The following AK8 variants were observed in gnomAD, a reference collection of about 807,000 sequenced individuals.
The protein encoded by AK8 is ATP-AMP transphosphorylase 8.
In AK8, 44 loss-of-function variants were observed where a neutral mutation model predicts 54.6. The ratio of observed to expected loss-of-function variants is 0.81; its 90% confidence interval spans 0.63 to 1.04. The LOEUF (loss-of-function observed/expected upper bound fraction) is 1.04. Among genes scored for constraint, AK8 ranks in the 50% least tolerant of loss-of-function variants. AK8 has a pLI of 0.00. For missense variants in AK8, 555 were observed against 613.6 expected, an observed-to-expected ratio of 0.90 and a Z score of 1.01; for synonymous variants, 239 against 245.6, an observed-to-expected ratio of 0.97 and a Z score of 0.25.
At chr9:132,862,683 A>AT (rs1486329552) in intron 4 of AK8, among the ~76,000 whole-genome samples, 3 of 152,156 alleles carry the variant, frequency 2.0e-5, no homozygotes, top group Non-Finnish European at 4.4e-5. Flanking sequence ...AGGAGTCTTC[A>AT]TAGCCACATC....
chr9:132,785,198 G>A (rs184459398), intron 11 of AK8, among the ~76,000 whole-genome samples: 1 of 151,528 alleles, frequency 6.6e-6, no homozygotes, highest in African/African-American at 2.4e-5. Flanking sequence ...TCTGCCTCCC[G>A]GGTTCAAGCA....
At chr9:132,833,081 C>T (rs1842172742) in intron 5 of AK8, among the ~76,000 whole-genome samples, 1 of 152,216 alleles carries the variant, frequency 6.6e-6, no homozygotes, top group South Asian at 2.1e-4. Context: ...CGCCAGCCCA[C>T]GCTGGTCCAC....
intron 11 of AK8, among the ~76,000 whole-genome samples, chr9:132,782,695 A>C (rs1029181958): frequency 6.6e-6 from 1 of 152,150 alleles, no homozygotes. Flanking sequence ...GTCTCAAAAA[A>C]AAAAACAAAA....
intron 5 of AK8, 127 bp downstream of exon 5, chr9:132,854,730 G>C: frequency 1.0e-6 from 1 of 958,226 alleles, no homozygotes; most frequent in Admixed American, 2.0e-5. Flanking sequence ...TGACCTTCAC[G>C]GAGTTCCCGT....
At position 132,791,869 on chromosome 9, in the gene AK8, C is replaced by T. The variant is rs1030645001; in HGVS notation, c.1121+765G>A. 6.6e-6 allele frequency among the ~76,000 whole-genome samples: 1 copy of T among 152,194 alleles called. No homozygotes were observed. Among genetic ancestry groups the T allele is most frequent in the African/African-American group, 2.4e-5 (1 of 41,448 alleles). On this transcript the variant is annotated intron_variant, in intron 11 of 12. Coordinates refer to ENST00000298545, the MANE Select transcript of AK8 (RefSeq NM_152572.3). The surrounding 1 kb of genome is among the most constrained non-coding windows in gnomAD (Gnocchi z 4.0). The stretch of plus-strand genomic sequence containing the variant: ...TTTTGCCACCATTTGCAAGGTATGA[C>T]CAACCAGAGAAAGCCAAATATGTTC...
rs529053976 is a variant in AK8 at position 132,873,007 on chromosome 9, A to G, written c.169+2108T>C. Among the ~76,000 whole-genome samples, 153 of 151,668 alleles carry G rather than the reference A, an allele frequency of 1.0e-3. 3 individuals are homozygous for G. In the East Asian group the frequency reaches 0.024, roughly 23 times the overall value. Reference sequence around the variant, plus strand: ...TTTTTTTATTTTTAGTAGAGATGGGATTTCACCATGTTAGCCAGGATGTTC... The same window carrying G: ...TTTTTTTATTTTTAGTAGAGATGGGGTTTCACCATGTTAGCCAGGATGTTC... On this transcript the variant is annotated intron_variant, in intron 2 of 12. Transcript: ENST00000298545.
At chr9:132,872,961 G>C (rs1000294128) in intron 2 of AK8, among the ~76,000 whole-genome samples, 1 of 152,078 alleles carries the variant, frequency 6.6e-6, no homozygotes, top group African/African-American at 2.4e-5. Flanking sequence ...ACAGGCGCCC[G>C]CCACCACGCC....
At position 132,878,130 on chromosome 9, in the gene AK8, G is replaced by A. The variant is rs556186325; in HGVS notation, c.84+42C>T. ...ACCCGACGTCGCAGTGGAGGCTCCC[G>A]AGCCGCCGCCAGCGTCGCGACGGGC... On this transcript the variant is annotated intron_variant, in intron 1 of 12. Transcript: ENST00000298545. The surrounding 1 kb of genome is among the most constrained non-coding windows in gnomAD (Gnocchi z 4.7). The A allele has an allele frequency of 9.0e-5, 138 of 1,537,060 alleles. 1 individual carries two copies. In the African/African-American group the frequency reaches 9.9e-4, roughly 11 times the overall value.
At chr9:132,851,475 G>T (rs974468330) in intron 5 of AK8, among the ~76,000 whole-genome samples, 1 of 152,240 alleles carries the variant, frequency 6.6e-6, no homozygotes, top group South Asian at 2.1e-4. Context: ...GGAACTAGGA[G>T]TTATCAGGAG....
At chr9:132,863,879 G>A in intron 3 of AK8, 101 bp from the exon 4 acceptor site, 1 of 925,814 alleles carries the variant, frequency 1.1e-6, no homozygotes, top group Non-Finnish European at 1.6e-6. Flanking sequence ...ATGGGAAAAG[G>A]TTGGCCATGG....
chr9:132,851,941 AC>A (rs1485739741), intron 5 of AK8, among the ~76,000 whole-genome samples: 2 of 152,250 alleles, frequency 1.3e-5, no homozygotes, highest in African/African-American at 4.8e-5. Context: ...AGATGTCACC[AC>A]CACGTAACTC....
At chr9:132,866,091 G>A (rs1211709385) in intron 3 of AK8, among the ~76,000 whole-genome samples, 2 of 152,076 alleles carry the variant, frequency 1.3e-5, no homozygotes, top group African/African-American at 4.8e-5. Context: ...CCAGCTACTC[G>A]GGAGGCTGAG....
chr9:132,789,597 CAAAAAAAAA>C (rs578003731), intron 11 of AK8, among the ~76,000 whole-genome samples: 2,701 of 57,636 alleles, frequency 0.047, 67 homozygotes, highest in African/African-American at 0.16. Flanking sequence ...ACTCATCTCA[CAAAAAAAAA>C]AAAAAAAAAA....
chr9:132,872,021 A>T (rs1370925340), intron 2 of AK8, among the ~76,000 whole-genome samples: 1 of 152,202 alleles, frequency 6.6e-6, no homozygotes, highest in African/African-American at 2.4e-5. Flanking sequence ...GGAACTAGGT[A>T]AGCCTTGAAG....
intron 11 of AK8, among the ~76,000 whole-genome samples, chr9:132,756,855 T>C (rs1838211502): frequency 6.6e-6 from 1 of 152,186 alleles, no homozygotes; most frequent in African/African-American, 2.4e-5. Flanking sequence ...CCTACATCTA[T>C]AACTCACGGA....
chr9:132,771,088 A>G (rs56152554), intron 11 of AK8, among the ~76,000 whole-genome samples: 2,333 of 151,912 alleles, frequency 0.015, 62 homozygotes, highest in African/African-American at 0.054. Flanking sequence ...GAGTCCAGGG[A>G]CTCCGTCTCA....
At chr9:132,776,277 C>G (rs1839213102) in intron 11 of AK8, among the ~76,000 whole-genome samples, 1 of 152,180 alleles carries the variant, frequency 6.6e-6, no homozygotes, top group African/African-American at 2.4e-5. Flanking sequence ...CAGGGGTGCA[C>G]CTCCTTCTTA....
intron 10 of AK8, among the ~76,000 whole-genome samples, chr9:132,793,857 G>A (rs1057444956): frequency 2.0e-5 from 3 of 152,290 alleles, no homozygotes; most frequent in Admixed American, 2.0e-4. Context: ...CTGGTTCCTA[G>A]GGGTGTGGTG....
intron 5 of AK8, among the ~76,000 whole-genome samples, chr9:132,844,540 G>T (rs1039202206): frequency 6.6e-6 from 1 of 152,070 alleles, no homozygotes; most frequent in Non-Finnish European, 1.5e-5. Flanking sequence ...TTGGATGAGG[G>T]TTTGTTTTGT....
Sources: gnomAD v4.1 joint callset for allele counts (sites outside exome capture counted in the v4.1 genomes callset) on GRCh38, gnomAD v4.1.1 for gene constraint, Gnocchi (gnomAD v3.1) non-coding constraint, MANE v1.5 for transcripts, NCBI Gene and HGNC (gene_info 2026-07-23, HGNC 2026-07-21) for gene names.